Variants in WDR1 observed in about 807,000 individuals in gnomAD.
WDR1 encodes the protein WD repeat domain 1, also known as WD repeat-containing protein 1.
Under a neutral mutation model 71.9 loss-of-function variants are expected in WDR1, and 21 were observed. That is an observed-to-expected ratio of 0.29 (90% confidence interval 0.21 to 0.42). The LOEUF is 0.42. Among genes scored for constraint, WDR1 ranks in the 10% least tolerant of loss-of-function variants. WDR1 has a pLI of 1.00. For missense variants in WDR1, 696 were observed against 824.5 expected (o/e 0.84, Z 1.91); for synonymous variants, 424 against 347.4 (o/e 1.22, Z -2.45).
intron 5 of WDR1, among the ~76,000 whole-genome samples, chr4:10,089,985 G>A (rs928678778): frequency 1.4e-4 from 22 of 152,184 alleles, no homozygotes; most frequent in African/African-American, 4.8e-4. Flanking sequence ...AAATCCAGCA[G>A]GACTTGGTGT....
Position 10,087,957 on chromosome 4 carries a change from AGT to A in WDR1, c.718-19_718-18del, listed in dbSNP as rs1406669563. 25 of 1,544,598 alleles carry A rather than the reference AGT, an allele frequency of 1.6e-5. No homozygotes were observed. The highest frequency in any genetic ancestry group is 2.2e-5 in the Non-Finnish European group (25 of 1,143,124). Reference sequence around the variant, plus strand: ...CCAACTAATCTATTCAGAAAAAAGCAGTGTGTCATGTGCCAGAGGACTACAGA... The same window carrying A: ...CCAACTAATCTATTCAGAAAAAAGCAGTGTCATGTGCCAGAGGACTACAGA... On this transcript the variant is annotated intron_variant, in intron 7 of 14. Coordinates refer to ENST00000499869, the MANE Select transcript of WDR1 (RefSeq NM_017491.5).
intron 2 of WDR1, among the ~76,000 whole-genome samples, chr4:10,105,776 T>C (rs1712977634): frequency 6.6e-6 from 1 of 152,202 alleles, no homozygotes; most frequent in African/African-American, 2.4e-5. Flanking sequence ...CCTAGGTATC[T>C]GCCCTGGAGA....
chr4:10,112,926 C>G (rs1429514637), intron 2 of WDR1, among the ~76,000 whole-genome samples: 1 of 152,236 alleles, frequency 6.6e-6, no homozygotes, highest in African/African-American at 2.4e-5. Flanking sequence ...CCTATGTACA[C>G]TTGTAGGCAG....
intron 2 of WDR1, among the ~76,000 whole-genome samples, chr4:10,110,690 T>C (rs551370521): frequency 1.3e-5 from 2 of 152,330 alleles, no homozygotes; most frequent in African/African-American, 2.4e-5. Flanking sequence ...CAGGGCATTG[T>C]TCTTTTGAAG....
At chr4:10,102,564 A>G (rs1038681003) in intron 3 of WDR1, among the ~76,000 whole-genome samples, 1 of 152,124 alleles carries the variant, frequency 6.6e-6, no homozygotes, top group African/African-American at 2.4e-5. Flanking sequence ...CCTGCTGTGC[A>G]ACGGCCCCTG....
chr4:10,111,467 C>G (rs951836162), intron 2 of WDR1, among the ~76,000 whole-genome samples: 2 of 152,198 alleles, frequency 1.3e-5, no homozygotes, highest in African/African-American at 4.8e-5. Flanking sequence ...GGCTCTGCAC[C>G]TGGCAGGCGC....
chr4:10,112,844 G>T (rs540616079), intron 2 of WDR1, among the ~76,000 whole-genome samples: 3 of 152,352 alleles, frequency 2.0e-5, no homozygotes, highest in African/African-American at 7.2e-5. Context: ...GCGAGGACAC[G>T]GCAGTGACTG....
In WDR1 at chr4:10,097,788, G is replaced by A. The variant is rs373592999; in HGVS notation, c.481C>T (p.Arg161Trp). The change falls in exon 5 of 15, where the codon CGG (arginine) becomes TGG (tryptophan). Residue 161 changes from arginine (R) to tryptophan (W), a missense_variant. Coordinates refer to ENST00000499869, the MANE Select transcript of WDR1 (RefSeq NM_017491.5). ...TTATCATCGCTTCCCGTGGCCAGCC[G>A]GTATGGCCGGCTCTGCTTGATGTCC... ...SVDIKQSRPY[R>W]LATGSDDNCA... 1.4e-5 allele frequency: 22 copies of A among 1,613,628 alleles called. No individual in the cohort carries two copies. Among genetic ancestry groups the A allele is most frequent in the African/African-American group, 4.0e-5 (3 of 74,856 alleles).
chr4:10,113,609 G>A (rs1320443114), intron 2 of WDR1, among the ~76,000 whole-genome samples: 4 of 152,212 alleles, frequency 2.6e-5, no homozygotes, highest in Non-Finnish European at 5.9e-5. Flanking sequence ...GACCCCCAGG[G>A]CAACAAGGGT....
At chr4:10,094,606 C>T (rs73212853) in intron 5 of WDR1, 24,583 of 152,170 alleles carry the variant, frequency 0.16, 2,554 homozygotes, top group Middle Eastern at 0.24. Context: ...GCTGGAGACC[C>T]GAGACCACGG....
Position 10,078,929 on chromosome 4 carries a change from C to A in WDR1, c.1357G>T (p.Val453Leu). The A allele has an allele frequency of 6.2e-7, 1 of 1,613,062 alleles. No homozygotes were observed. Among genetic ancestry groups the A allele is most frequent in the South Asian group, 1.1e-5 (1 of 90,956 alleles). The change falls in exon 12 of 15, where the codon GTG becomes TTG. Residue 453 changes from valine (V) to leucine (L), a missense_variant. Transcript: ENST00000499869. ...GCCACCGTGTCCCCGCCGGGGTGCA[C>A]TGCCACAACTTCGGGCTCGTAGCCG... ...NPGYEPEVVA[V>L]HPGGDTVAIG... is the part of the protein sequence containing the mutation.
chr4:10,097,918 CAAAAAA>C, intron 4 of WDR1, 27 bp from the exon 5 acceptor site: 19 of 1,209,798 alleles, frequency 1.6e-5, no homozygotes, highest in Admixed American at 1.3e-4. Context: ...AGGTGGAAGA[CAAAAAA>C]AAAAAAAAAA....
Position 10,075,431 on chromosome 4 carries a change from G to C in WDR1, c.1768C>G (p.Leu590Val). ...GAGGCATCATGGGAGGTCGTGACCAGCGTGTGCTCGTCCAGCCAGGCCAGG... is the reference window on the plus strand; with the variant it reads ...GAGGCATCATGGGAGGTCGTGACCACCGTGTGCTCGTCCAGCCAGGCCAGG... ...SSLAWLDEHT[L>V]VTTSHDASVK... Residue 590 changes from leucine to valine, a missense_variant, in exon 15 of 15, where the codon CTG becomes GTG. Coordinates refer to ENST00000499869, the MANE Select transcript of WDR1 (RefSeq NM_017491.5). The C allele has an allele frequency of 6.2e-7, 1 of 1,614,038 alleles. No homozygotes were observed. Among genetic ancestry groups the C allele is most frequent in the Non-Finnish European group, 8.5e-7 (1 of 1,179,892 alleles).
At chr4:10,075,808 T>C (rs1047409159) in intron 14 of WDR1, 1 of 434,974 alleles carries the variant, frequency 2.3e-6, no homozygotes, top group African/African-American at 2.0e-5. Flanking sequence ...AACAATGTCT[T>C]CTTATGTATA....
chr4:10,105,746 C>T (rs914216193), intron 2 of WDR1, among the ~76,000 whole-genome samples: 1 of 152,158 alleles, frequency 6.6e-6, no homozygotes, highest in Non-Finnish European at 1.5e-5. Flanking sequence ...CTACTCACAC[C>T]AAACACCAGC....
rs78116971 is a variant in WDR1 at position 10,095,271 on chromosome 4, T to C, written c.558+2440A>G. ...GGAAAAAAGACCACTGCTATGTGGATTTCACAGCAAGTGGAACTTAATTCC... is the reference window on the plus strand; with the variant it reads ...GGAAAAAAGACCACTGCTATGTGGACTTCACAGCAAGTGGAACTTAATTCC... On this transcript the variant is annotated intron_variant, in intron 5 of 14. Transcript: ENST00000499869. Among the ~76,000 whole-genome samples the C allele has an allele frequency of 3.4e-3, 518 of 152,364 alleles. 4 individuals carry two copies. The highest frequency in any genetic ancestry group is 0.011 in the African/African-American group (466 of 41,580).
intron 11 of WDR1, 105 bp downstream of exon 11, chr4:10,081,252 C>T: frequency 9.0e-7 from 1 of 1,114,468 alleles, no homozygotes; most frequent in Non-Finnish European, 1.3e-6. Flanking sequence ...AGCACTCAAC[C>T]AAAACACTGG....
rs111255112 is a variant in WDR1 at position 10,088,292 on chromosome 4, C to T, written c.717+1G>A. ...AGGCCGGGAAACACGCTCATACTCA[C>T]TGCGTAAATCCCACCGTCGTGGGCC... On this transcript the variant is annotated splice_donor_variant, in intron 7 of 14. Transcript: ENST00000499869. LOFTEE classifies it high-confidence loss of function. 6.4e-7 allele frequency: 1 copy of T among 1,552,656 alleles called. No homozygotes were observed. Among genetic ancestry groups the T allele is most frequent in the Non-Finnish European group, 8.7e-7 (1 of 1,147,864 alleles).
At chr4:10,081,966 A>G (rs1211591467) in intron 10 of WDR1, among the ~76,000 whole-genome samples, 1 of 152,202 alleles carries the variant, frequency 6.6e-6, no homozygotes, top group Non-Finnish European at 1.5e-5. Context: ...ATAATCAAGG[A>G]AATTTCTGTG....
Sources: allele counts gnomAD v4.1 joint callset (sites outside exome capture counted in the v4.1 genomes callset), GRCh38; gene constraint gnomAD v4.1.1; transcripts MANE v1.5; gene names NCBI Gene and HGNC (gene_info 2026-07-23, HGNC 2026-07-21).